Variants in EEA1 observed in about 807,000 individuals in gnomAD.
EEA1 encodes early endosome antigen 1, 162kD.
In EEA1, 111 loss-of-function variants were observed where a neutral mutation model predicts 209.2. The ratio of observed to expected loss-of-function variants is 0.53; its 90% CI spans 0.45 to 0.62. The LOEUF (loss-of-function observed/expected upper bound fraction) is 0.62, where lower values mean the gene tolerates loss of function less well. EEA1 is among the 20% of genes least tolerant of loss of function. EEA1 has a pLI of 0.00. For synonymous variants in EEA1, 536 were observed against 540.6 expected (o/e 0.99, Z 0.12); for missense variants, 1,343 against 1,530.8 (o/e 0.88, Z 2.05).
At chr12:92,883,859 G>A in intron 2 of EEA1, 3 of 1,602,570 alleles carry the variant, frequency 1.9e-6, no homozygotes, top group Non-Finnish European at 2.6e-6. Flanking sequence ...ACCGATGAGA[G>A]CCTGAGGAGC....
intron 10 of EEA1, among the ~76,000 whole-genome samples, chr12:92,838,628 A>G (rs1215448651): frequency 1.3e-5 from 2 of 152,206 alleles, no homozygotes; most frequent in African/African-American, 2.4e-5. Flanking sequence ...GTAAACTGGT[A>G]TAATTACTTT....
intron 14 of EEA1, 119 bp downstream of exon 14, chr12:92,819,189 T>C: frequency 1.1e-6 from 1 of 913,340 alleles, no homozygotes; most frequent in Non-Finnish European, 1.6e-6. Flanking sequence ...GCAAAAAATA[T>C]ATAACACTTA....
chr12:92,909,385 T>A (rs926311371), intron 1 of EEA1, among the ~76,000 whole-genome samples: 3 of 152,234 alleles, frequency 2.0e-5, no homozygotes, highest in Admixed American at 1.3e-4. Context: ...GTACTCCCAG[T>A]AGCTAAAGCT....
intron 22 of EEA1, among the ~76,000 whole-genome samples, chr12:92,784,577 C>T (rs1275645951): frequency 6.6e-6 from 1 of 152,154 alleles, no homozygotes; most frequent in African/African-American, 2.4e-5. Context: ...AAATGTTAAA[C>T]TCACAAAACC....
intron 5 of EEA1, among the ~76,000 whole-genome samples, chr12:92,856,471 A>G (rs1877886331): frequency 6.6e-6 from 1 of 152,156 alleles, no homozygotes; most frequent in South Asian, 2.1e-4. Context: ...GTGTGTGTGC[A>G]TGTATGTACA....
intron 2 of EEA1, among the ~76,000 whole-genome samples, chr12:92,889,952 A>C (rs1256406253): frequency 6.6e-6 from 1 of 152,102 alleles, no homozygotes; most frequent in Non-Finnish European, 1.5e-5. Context: ...CAAAATACTA[A>C]TCAAAACAAA....
intron 1 of EEA1, among the ~76,000 whole-genome samples, chr12:92,898,709 CTTTT>C (rs1038361396): frequency 1.5e-5 from 1 of 67,904 alleles, no homozygotes; most frequent in Admixed American, 1.5e-4. Context: ...ACTATGTCTT[CTTTT>C]TTTTTTCCTT....
At chr12:92,808,659 C>T (rs1329956536) in intron 18 of EEA1, among the ~76,000 whole-genome samples, 2 of 152,064 alleles carry the variant, frequency 1.3e-5, no homozygotes, top group Non-Finnish European at 2.9e-5. Flanking sequence ...AGGCTAACTA[C>T]TTTTGGGTAA....
intron 3 of EEA1, among the ~76,000 whole-genome samples, chr12:92,863,072 T>C (rs1423543630): frequency 1.3e-5 from 2 of 152,292 alleles, no homozygotes; most frequent in South Asian, 2.1e-4. Flanking sequence ...AGGTAGATCA[T>C]ACAGAGAAAG....
At chr12:92,808,511 A>G (rs1431772903) in intron 18 of EEA1, among the ~76,000 whole-genome samples, 2 of 149,382 alleles carry the variant, frequency 1.3e-5, no homozygotes, top group East Asian at 3.9e-4. Context: ...GAGATAGAGT[A>G]TCACTTTGTC....
At chr12:92,884,010 G>A in intron 2 of EEA1, 2 of 1,400,872 alleles carry the variant, frequency 1.4e-6, no homozygotes, top group Non-Finnish European at 2.0e-6. Context: ...CACATAAGGT[G>A]GATGGAAGAG....
intron 20 of EEA1, 88 bp downstream of exon 20, chr12:92,801,512 A>G (rs1426271622): frequency 5.8e-6 from 5 of 864,772 alleles, no homozygotes; most frequent in Non-Finnish European, 8.3e-6. Context: ...AAATGCCCCC[A>G]AGAACAAACA....
chr12:92,920,990 A>G (rs1327132336), intron 1 of EEA1, among the ~76,000 whole-genome samples: 1 of 151,320 alleles, frequency 6.6e-6, no homozygotes, highest in African/African-American at 2.4e-5. Flanking sequence ...CAAAAAACAC[A>G]TGAAAAAATG....
intron 20 of EEA1, among the ~76,000 whole-genome samples, chr12:92,799,846 T>C (rs1243945125): frequency 6.6e-6 from 1 of 152,034 alleles, no homozygotes; most frequent in East Asian, 1.9e-4. Flanking sequence ...TTGGCCACAG[T>C]TGTCGCAAAG....
At chr12:92,842,965 C>T (rs1482127955) in intron 9 of EEA1, among the ~76,000 whole-genome samples, 1 of 152,046 alleles carries the variant, frequency 6.6e-6, no homozygotes, top group Non-Finnish European at 1.5e-5. Context: ...TAAAATTATC[C>T]TTTTACTTTA....
At chr12:92,899,154 G>A (rs1450219605) in intron 1 of EEA1, among the ~76,000 whole-genome samples, 1 of 150,622 alleles carries the variant, frequency 6.6e-6, no homozygotes, top group East Asian at 1.9e-4. Context: ...AATGAGAGGA[G>A]CTGGATATGA....
chr12:92,924,722 A>T (rs2136791934), intron 1 of EEA1, among the ~76,000 whole-genome samples: 1 of 152,016 alleles, frequency 6.6e-6, no homozygotes, highest in South Asian at 2.1e-4. Flanking sequence ...AGGCCACTGG[A>T]ATTAGAGAAG....
At chr12:92,856,767 C>CTTTTTTTTT (rs57579359) in intron 5 of EEA1, among the ~76,000 whole-genome samples, 2 of 86,680 alleles carry the variant, frequency 2.3e-5, no homozygotes, top group Admixed American at 1.8e-4. Flanking sequence ...ATACCTGATT[C>CTTTTTTTTT]TTTTTTTTTT....
chr12:92,779,028 A>G, intron 25 of EEA1, 87 bp downstream of exon 25: 1 of 1,177,114 alleles, frequency 8.5e-7, no homozygotes, highest in Non-Finnish European at 1.2e-6. Flanking sequence ...AAGCATTTCA[A>G]TCAGATCTTA....
Sources: gnomAD v4.1 joint callset for allele counts (sites outside exome capture counted in the v4.1 genomes callset) on GRCh38, gnomAD v4.1.1 for gene constraint, MANE v1.5 for transcripts, NCBI Gene and HGNC (gene_info 2026-07-23, HGNC 2026-07-21) for gene names.